DDHD1: variants seen among roughly 807,000 people sequenced by gnomAD.
The protein encoded by DDHD1 is DDHD domain containing 1, also known as phospholipase DDHD1.
In DDHD1, 49 loss-of-function variants were observed where a neutral mutation model predicts 96.4. The observed-to-expected ratio is 0.51, with a 90% CI of 0.40 to 0.64. The LOEUF is 0.64. DDHD1 is among the 30% of genes least tolerant of loss of function. The pLI is 0.00. For missense variants in DDHD1, 1,106 were observed against 1,161.2 expected (o/e 0.95, Z 0.69); for synonymous variants, 442 against 446.5 (o/e 0.99, Z 0.13).
At chr14:53,118,411 T>A (rs1359617066) in intron 1 of DDHD1, among the ~76,000 whole-genome samples, 1 of 151,902 alleles carries the variant, frequency 6.6e-6, no homozygotes, top group Non-Finnish European at 1.5e-5. Context: ...CTAAAAACCT[T>A]GAAAAAAGAT....
intron 8 of DDHD1, among the ~76,000 whole-genome samples, chr14:53,060,007 TA>T (rs562943336): frequency 2.6e-4 from 40 of 151,124 alleles, no homozygotes; most frequent in African/African-American, 7.4e-4. Context: ...GTATGGTATA[TA>T]TTTTTTTTAA....
At chr14:53,104,238 TG>T (rs1481732133) in intron 1 of DDHD1, among the ~76,000 whole-genome samples, 3 of 152,202 alleles carry the variant, frequency 2.0e-5, no homozygotes, top group African/African-American at 7.2e-5. Context: ...CTGCTGCGCC[TG>T]GCCCATTTAA....
rs991219279 is a variant in DDHD1, at chr14:53,042,566, T to C, written c.*4202A>G. The C allele has an allele frequency of 2.0e-5, 3 of 152,200 alleles. No individual in the cohort carries two copies. Among genetic ancestry groups the C allele is most frequent in the African/African-American group, 7.2e-5 (3 of 41,450 alleles). 9.4% of individuals were successfully genotyped at this position (152,200 alleles called of 1,614,324 possible). ...AAATTTTACAGTTCTTTGAAAACTA[T>C]CACAAGCATCTACTGAAGACTGAAA... On this transcript the variant is annotated 3_prime_UTR_variant, in exon 13 of 13. Coordinates refer to ENST00000673822, the MANE Select transcript of DDHD1 (RefSeq NM_001160148.2).
chr14:53,118,247 G>A (rs559107808), intron 1 of DDHD1, among the ~76,000 whole-genome samples: 32 of 152,270 alleles, frequency 2.1e-4, no homozygotes, highest in African/African-American at 6.0e-4. Context: ...AAAACAGAGC[G>A]CCTCTTCTCC....
chr14:53,076,575 GGATT>G (rs1884978340), intron 4 of DDHD1, among the ~76,000 whole-genome samples: 2 of 152,280 alleles, frequency 1.3e-5, no homozygotes, highest in Admixed American at 6.5e-5. Flanking sequence ...GGGTTTGACA[GGATT>G]GATTCAAATT....
intron 1 of DDHD1, among the ~76,000 whole-genome samples, chr14:53,148,026 A>G (rs1221228802): frequency 1.3e-5 from 2 of 152,224 alleles, no homozygotes; most frequent in African/African-American, 4.8e-5. Flanking sequence ...TTGGTAATAT[A>G]ATCTTCCCGT....
At position 53,043,392 on chromosome 14, in the gene DDHD1, A is replaced by AGTGTGTGTGT. The variant is rs59747041; in HGVS notation, c.*3366_*3375dup. The AGTGTGTGTGT allele has an allele frequency of 0.018, 1,985 of 112,454 alleles. 18 individuals are homozygous for AGTGTGTGTGT. The highest frequency in any genetic ancestry group is 0.035 in the East Asian group (126 of 3,562). The allele number at this position is 112,454 out of a possible 1,614,324, so 7.0% of individuals were successfully genotyped here. A position where few individuals can be genotyped will look rare whatever the true frequency, so the allele number is the denominator to read the frequency against. On this transcript the variant is annotated 3_prime_UTR_variant, in exon 13 of 13. Coordinates refer to ENST00000673822, the MANE Select transcript of DDHD1 (RefSeq NM_001160148.2). Reference sequence around the variant, plus strand: ...CAAAAGAGCAGTTATTAGAACATCCAGTGTGTGTGTGTGTGTGTGTGTGTG... The same window carrying AGTGTGTGTGT: ...CAAAAGAGCAGTTATTAGAACATCCAGTGTGTGTGTGTGTGTGTGTGTGTGTGTGTGTGTG...
At chr14:53,048,226 C>T (rs1882200712) in intron 12 of DDHD1, among the ~76,000 whole-genome samples, 1 of 152,006 alleles carries the variant, frequency 6.6e-6, no homozygotes, top group Non-Finnish European at 1.5e-5. Flanking sequence ...GTTCATAAAT[C>T]TAGCTACACA....
intron 1 of DDHD1, among the ~76,000 whole-genome samples, chr14:53,115,747 A>C (rs552069942): frequency 9.8e-5 from 15 of 152,306 alleles, no homozygotes; most frequent in African/African-American, 3.6e-4. Flanking sequence ...TGGAAAGGAA[A>C]AACCGATACC....
chr14:53,108,143 G>C (rs1187211930), intron 1 of DDHD1, among the ~76,000 whole-genome samples: 1 of 152,046 alleles, frequency 6.6e-6, no homozygotes, highest in African/African-American at 2.4e-5. Context: ...ACTGCTGTTT[G>C]CCACCATCGC....
chr14:53,062,586 A>G (rs1349291342), intron 7 of DDHD1, among the ~76,000 whole-genome samples: 1 of 152,172 alleles, frequency 6.6e-6, no homozygotes, highest in African/African-American at 2.4e-5. Context: ...GTAGAAACCC[A>G]CCTCAAAAGG....
chr14:53,112,255 A>T (rs1264423805), intron 1 of DDHD1, among the ~76,000 whole-genome samples: 1 of 152,092 alleles, frequency 6.6e-6, no homozygotes, highest in Non-Finnish European at 1.5e-5. Flanking sequence ...TGTCTCTACT[A>T]AAAATACAAA....
In DDHD1 at chr14:53,063,142, C is replaced by T. The variant is rs1595105501; in HGVS notation, c.1567G>A (p.Asp523Asn). The change falls in exon 7 of 13, where the codon GAC becomes AAC. Residue 523 changes from aspartate (D) to asparagine (N), a missense_variant. Asp to Asn is a conservative substitution (Grantham distance 23). This residue lies in a region of DDHD1 where 650 missense variants were observed against 758.8 expected (regional missense o/e 0.86). Coordinates refer to ENST00000673822, the MANE Select transcript of DDHD1 (RefSeq NM_001160148.2). ...LYSLFCSRNP[D>N]FEEKGGKVSI... The stretch of plus-strand genomic sequence containing the variant: ...ACTTTACCCCCTTTTTCTTCAAAGT[C>T]TGGATTCCGAGAACAGAAAAGGGAA... The T allele has an allele frequency of 6.2e-7, 1 of 1,613,972 alleles. No homozygotes were observed. The highest frequency in any genetic ancestry group is 2.2e-5 in the East Asian group (1 of 44,862).
intron 1 of DDHD1, among the ~76,000 whole-genome samples, chr14:53,108,930 A>C (rs1887901070): frequency 6.6e-6 from 1 of 152,200 alleles, no homozygotes; most frequent in African/African-American, 2.4e-5. Context: ...TTATCAACTG[A>C]AACACTTTCT....
intron 1 of DDHD1, among the ~76,000 whole-genome samples, chr14:53,144,065 C>T (rs1391501218): frequency 6.6e-6 from 1 of 152,182 alleles, no homozygotes; most frequent in East Asian, 1.9e-4. Flanking sequence ...GGGGCATTCA[C>T]TATACATGAG....
At chr14:53,137,601 A>T (rs529773250) in intron 1 of DDHD1, among the ~76,000 whole-genome samples, 49 of 147,874 alleles carry the variant, frequency 3.3e-4, no homozygotes, top group African/African-American at 1.2e-3. Context: ...CAAAAAATAA[A>T]AATAAAAATA....
chr14:53,076,144 T>C (rs998178239), intron 4 of DDHD1, among the ~76,000 whole-genome samples: 3 of 152,224 alleles, frequency 2.0e-5, no homozygotes, highest in African/African-American at 7.2e-5. Context: ...ATAGCTGCTA[T>C]AGATAGTGGA....
intron 1 of DDHD1, among the ~76,000 whole-genome samples, chr14:53,131,727 C>T (rs543624953): frequency 1.2e-3 from 182 of 152,256 alleles, no homozygotes; most frequent in Non-Finnish European, 2.1e-3. Context: ...CATCCATCTG[C>T]TTCTCAACTT....
At chr14:53,053,582 G>A (rs1306335506) in intron 11 of DDHD1, 1 of 152,028 alleles carries the variant, frequency 6.6e-6, no homozygotes, top group Non-Finnish European at 1.5e-5. Context: ...ATTTAGAGTA[G>A]CAGACACAGT....
Sources: gnomAD v4.1 joint callset for allele counts (sites outside exome capture counted in the v4.1 genomes callset) on GRCh38, gnomAD v4.1.1 for gene constraint, gnomAD v4.1.1 regional missense constraint, MANE v1.5 for transcripts, NCBI Gene and HGNC (gene_info 2026-07-23, HGNC 2026-07-21) for gene names.